Variants in CAMTA1 observed in about 807,000 individuals in gnomAD.
The protein encoded by CAMTA1 is calmodulin-binding transcription activator 1.
CAMTA1 carries 27 observed loss-of-function variants against 170.9 expected under a neutral mutation model. The observed-to-expected ratio is 0.16, with a 90% confidence interval of 0.12 to 0.22. The LOEUF (loss-of-function observed/expected upper bound fraction) is 0.22. CAMTA1 is among the 10% of genes least tolerant of loss of function. The probability of loss-of-function intolerance (pLI) is 1.00; values close to 1 mark genes in which losing one functional copy is unlikely to be tolerated. For synonymous variants in CAMTA1, 833 were observed against 891.5 expected, an observed-to-expected ratio of 0.93 and a Z score of 1.17; for missense variants, 1,619 against 2,217.2, an observed-to-expected ratio of 0.73 and a Z score of 5.42.
intron 3 of CAMTA1, among the ~76,000 whole-genome samples, chr1:6,978,869 C>T (rs1173223681): frequency 6.6e-6 from 1 of 152,126 alleles, no homozygotes; most frequent in African/African-American, 2.4e-5. Flanking sequence ...GCAGGACACC[C>T]TGGACCTGGA....
At chr1:7,367,883 G>T (rs193058262) in intron 5 of CAMTA1, among the ~76,000 whole-genome samples, 13 of 151,944 alleles carry the variant, frequency 8.6e-5, no homozygotes, top group Admixed American at 7.2e-4. Flanking sequence ...CAGACACTGG[G>T]CACTCATGGT....
chr1:7,243,024 C>T (rs188578318), intron 4 of CAMTA1, among the ~76,000 whole-genome samples: 2 of 152,152 alleles, frequency 1.3e-5, no homozygotes, highest in East Asian at 1.9e-4. Flanking sequence ...ACTTGAGATA[C>T]CTCCTTGATT....
chr1:6,889,566 C>G (rs1318757734), intron 3 of CAMTA1, among the ~76,000 whole-genome samples: 2 of 152,160 alleles, frequency 1.3e-5, no homozygotes, highest in Non-Finnish European at 2.9e-5. Flanking sequence ...GCTTGTCTTA[C>G]GAGGATTCTA....
At chr1:7,335,715 A>G (rs1382326485) in intron 5 of CAMTA1, among the ~76,000 whole-genome samples, 2 of 151,736 alleles carry the variant, frequency 1.3e-5, no homozygotes, top group Non-Finnish European at 2.9e-5. Flanking sequence ...TGCCAGGCTG[A>G]CTTACAGTGC....
intron 3 of CAMTA1, among the ~76,000 whole-genome samples, chr1:6,870,401 G>A (rs183558074): frequency 2.6e-5 from 4 of 151,844 alleles, no homozygotes; most frequent in African/African-American, 9.7e-5. Flanking sequence ...ACTAACACTC[G>A]GACCGAGTGC....
rs537853994 is a variant in CAMTA1, at chr1:6,887,245, C to T, written c.234+62035C>T. Reference sequence around the variant, plus strand: ...ATGCATAGTAAGTAAAAAAATTCTTCCAAAATTAGTGTTAATTGAATCTGA... The same window carrying T: ...ATGCATAGTAAGTAAAAAAATTCTTTCAAAATTAGTGTTAATTGAATCTGA... On this transcript the variant is annotated intron_variant, in intron 3 of 22. Coordinates refer to ENST00000303635, the MANE Select transcript of CAMTA1 (RefSeq NM_015215.4). The surrounding 1 kb of genome is among the most constrained non-coding windows in gnomAD (Gnocchi z 4.1). Among the ~76,000 whole-genome samples the T allele has an allele frequency of 6.6e-6, 1 of 152,296 alleles. No homozygotes were observed. Among genetic ancestry groups the T allele is most frequent in the African/African-American group, 2.4e-5 (1 of 41,552 alleles).
At chr1:7,527,535 G>T (rs2094444229) in intron 6 of CAMTA1, among the ~76,000 whole-genome samples, 1 of 152,246 alleles carries the variant, frequency 6.6e-6, no homozygotes, top group Admixed American at 6.5e-5. Flanking sequence ...CAAGAGTATA[G>T]CACAGAGCCT....
chr1:7,444,705 G>T (rs764880268), intron 5 of CAMTA1, among the ~76,000 whole-genome samples: 20 of 152,382 alleles, frequency 1.3e-4, no homozygotes, highest in South Asian at 2.1e-4. Flanking sequence ...AGGAGAAGCT[G>T]TTGTAGGATT....
intron 3 of CAMTA1, among the ~76,000 whole-genome samples, chr1:6,952,439 G>GAAAAAAAAAAAAAAAAAAA (rs909535753): frequency 3.3e-5 from 1 of 30,210 alleles, no homozygotes; most frequent in Non-Finnish European, 7.0e-5. Flanking sequence ...TCAAAAAAAA[G>GAAAAAAAAAAAAAAAAAAA]AAAAAAAAAA....
intron 3 of CAMTA1, among the ~76,000 whole-genome samples, chr1:7,043,523 A>C (rs941008865): frequency 7.2e-5 from 11 of 152,192 alleles, no homozygotes; most frequent in African/African-American, 2.7e-4. Context: ...GGGAAATGTG[A>C]GCCATCAAAA....
At chr1:7,462,681 C>T (rs950503171) in intron 5 of CAMTA1, among the ~76,000 whole-genome samples, 6 of 152,110 alleles carry the variant, frequency 3.9e-5, no homozygotes, top group African/African-American at 4.8e-5. Context: ...TTTCTGTGTC[C>T]GTGGTAGTTT....
chr1:7,679,907 A>G (rs2096170219), intron 11 of CAMTA1, among the ~76,000 whole-genome samples: 1 of 152,218 alleles, frequency 6.6e-6, no homozygotes, highest in Non-Finnish European at 1.5e-5. Context: ...CTTTCAAGGA[A>G]TGAGTGGGAG....
Position 7,482,966 on chromosome 1 carries a change from G to C in CAMTA1, c.510+15065G>C. Among the ~76,000 whole-genome samples, 1 of 152,136 alleles carries C rather than the reference G, an allele frequency of 6.6e-6. No individual in the cohort carries two copies. The highest frequency in any genetic ancestry group is 2.4e-5 in the African/African-American group (1 of 41,438). On this transcript the variant is annotated intron_variant, in intron 6 of 22. Transcript: ENST00000303635. This position sits in a 1 kb window ranked among gnomAD's most constrained non-coding sequence, Gnocchi z 4.2. ...AGGCCCCACCCCATGTCATCCCAGG[G>C]TGAGCCTGGAGCCAGTGCCAGCCAA...
chr1:7,652,408 C>T (rs2095853927), intron 7 of CAMTA1, among the ~76,000 whole-genome samples: 1 of 152,158 alleles, frequency 6.6e-6, no homozygotes, highest in Non-Finnish European at 1.5e-5. Flanking sequence ...TTTCTTCTGC[C>T]CTGGTCTGGG....
intron 7 of CAMTA1, among the ~76,000 whole-genome samples, chr1:7,651,225 G>A (rs1479362079): frequency 6.6e-6 from 1 of 152,176 alleles, no homozygotes; most frequent in African/African-American, 2.4e-5. Context: ...AGGGTACCTA[G>A]GTGGGTGGAC....
chr1:7,318,018 G>C (rs867355636), intron 5 of CAMTA1, among the ~76,000 whole-genome samples: 1 of 152,182 alleles, frequency 6.6e-6, no homozygotes, highest in Non-Finnish European at 1.5e-5. Context: ...GGATGGCCTG[G>C]GGAAATGGGC....
At chr1:7,494,774 A>G (rs931032164) in intron 6 of CAMTA1, among the ~76,000 whole-genome samples, 1 of 152,194 alleles carries the variant, frequency 6.6e-6, no homozygotes, top group African/African-American at 2.4e-5. Context: ...ACTGCACTCC[A>G]GCGTGGGTGA....
chr1:6,880,475 C>T (rs1336109608), intron 3 of CAMTA1, among the ~76,000 whole-genome samples: 1 of 149,718 alleles, frequency 6.7e-6, no homozygotes, highest in Non-Finnish European at 1.5e-5. Flanking sequence ...TGGCAACCTC[C>T]ACCTCCAGGG....
intron 9 of CAMTA1, among the ~76,000 whole-genome samples, chr1:7,667,255 C>G (rs1365445290): frequency 6.6e-6 from 1 of 152,112 alleles, no homozygotes; most frequent in African/African-American, 2.4e-5. Context: ...CCACACCCCC[C>G]ACCCCACCCC....
Sources: gnomAD v4.1 joint callset for allele counts (sites outside exome capture counted in the v4.1 genomes callset) on GRCh38, gnomAD v4.1.1 for gene constraint, Gnocchi (gnomAD v3.1) non-coding constraint, MANE v1.5 for transcripts, NCBI Gene and HGNC (gene_info 2026-07-23, HGNC 2026-07-21) for gene names.